The following MAGI2 variants were observed in gnomAD, a reference collection of about 807,000 sequenced individuals.
The protein encoded by MAGI2 is membrane associated guanylate kinase, WW and PDZ domain containing 2, also known as membrane-associated guanylate kinase, WW and PDZ domain-containing protein 2.
In MAGI2, 35 loss-of-function variants were observed where a neutral mutation model predicts 133.3. The ratio of observed to expected loss-of-function variants is 0.26; its 90% confidence interval spans 0.20 to 0.35. The LOEUF is 0.35. MAGI2 is among the 10% of genes least tolerant of loss of function. The pLI is 1.00. For synonymous variants in MAGI2, 729 were observed against 710.6 expected (o/e 1.03, Z -0.41); for missense variants, 1,636 against 1,863.4 (o/e 0.88, Z 2.25).
chr7:79,126,434 A>G, intron 1 of MAGI2, among the ~76,000 whole-genome samples: 1 of 152,140 alleles, frequency 6.6e-6, no homozygotes, highest in Non-Finnish European at 1.5e-5. Context: ...CAAGAGCTAA[A>G]GTTCTCTTAC....
chr7:78,483,515 T>A (rs191421943), intron 6 of MAGI2, among the ~76,000 whole-genome samples: 1 of 151,966 alleles, frequency 6.6e-6, no homozygotes, highest in African/African-American at 2.4e-5. Context: ...CATCAACCAA[T>A]CAATAACAGA....
At chr7:78,959,041 G>T (rs535987546) in intron 2 of MAGI2, among the ~76,000 whole-genome samples, 3 of 152,026 alleles carry the variant, frequency 2.0e-5, no homozygotes, top group Admixed American at 6.6e-5. Flanking sequence ...TCTGCAACTC[G>T]GCCACGGGCA....
chr7:78,067,060 A>G (rs1323911939), intron 21 of MAGI2, among the ~76,000 whole-genome samples: 1 of 152,208 alleles, frequency 6.6e-6, no homozygotes, highest in Non-Finnish European at 1.5e-5. Context: ...GAGCCCTAAC[A>G]CCTCGAGGTT....
intron 1 of MAGI2, among the ~76,000 whole-genome samples, chr7:79,440,239 T>C (rs1848410499): frequency 6.6e-6 from 1 of 151,974 alleles, no homozygotes; most frequent in Admixed American, 6.6e-5. Flanking sequence ...AGCCTTGGAA[T>C]TAGAACACTT....
intron 2 of MAGI2, among the ~76,000 whole-genome samples, chr7:78,694,803 T>G (rs1403993591): frequency 6.6e-6 from 1 of 152,214 alleles, no homozygotes; most frequent in African/African-American, 2.4e-5. Context: ...TTATTGCAAT[T>G]AAGTCAGGAC....
chr7:79,303,069 C>T (rs1405368332), intron 1 of MAGI2, among the ~76,000 whole-genome samples: 1 of 152,134 alleles, frequency 6.6e-6, no homozygotes, highest in African/African-American at 2.4e-5. Context: ...TTGATAGAGT[C>T]TCACAGATAA....
chr7:78,398,617 G>T (rs1796574305), intron 6 of MAGI2, among the ~76,000 whole-genome samples: 1 of 151,804 alleles, frequency 6.6e-6, no homozygotes, highest in African/African-American at 2.4e-5. Context: ...TATAACCCAG[G>T]AATGTCTTTT....
chr7:78,150,875 T>C (rs1433115698), intron 16 of MAGI2, among the ~76,000 whole-genome samples: 2 of 152,132 alleles, frequency 1.3e-5, no homozygotes, highest in Non-Finnish European at 2.9e-5. Context: ...TAGATTGTAT[T>C]GCTCCTCTTT....
At chr7:79,440,599 T>C (rs887119794) in intron 1 of MAGI2, among the ~76,000 whole-genome samples, 1 of 152,060 alleles carries the variant, frequency 6.6e-6, no homozygotes, top group Admixed American at 6.6e-5. Context: ...CTCCTTATAT[T>C]GGTAAAGAAA....
At chr7:78,706,147 T>TCC (rs34897938) in intron 2 of MAGI2, among the ~76,000 whole-genome samples, 1 of 151,250 alleles carries the variant, frequency 6.6e-6, no homozygotes, top group African/African-American at 2.4e-5. Context: ...TTTGGCTGTG[T>TCC]CCCCCCCCAA....
At chr7:79,299,195 G>T (rs1243084910) in intron 1 of MAGI2, among the ~76,000 whole-genome samples, 7 of 152,112 alleles carry the variant, frequency 4.6e-5, no homozygotes, top group Non-Finnish European at 1.0e-4. Context: ...GATGATGTTG[G>T]AAGACCTTAT....
At chr7:78,224,516 A>T (rs1423739454) in intron 10 of MAGI2, among the ~76,000 whole-genome samples, 2 of 151,980 alleles carry the variant, frequency 1.3e-5, no homozygotes, top group African/African-American at 2.4e-5. Context: ...AAACACAAAG[A>T]TTAGCCGGGC....
chr7:79,423,505 T>C (rs974772563), intron 1 of MAGI2, among the ~76,000 whole-genome samples: 2 of 152,058 alleles, frequency 1.3e-5, no homozygotes, highest in Non-Finnish European at 2.9e-5. Context: ...ATGTCCTAGA[T>C]TGGGGATATA....
intron 6 of MAGI2, among the ~76,000 whole-genome samples, chr7:78,479,827 A>G (rs1021154465): frequency 6.6e-6 from 1 of 152,026 alleles, no homozygotes; most frequent in African/African-American, 2.4e-5. Flanking sequence ...CAAGGATTTT[A>G]AATCAGCCAT....
At chr7:78,824,938 C>A (rs375399414) in intron 2 of MAGI2, among the ~76,000 whole-genome samples, 1 of 152,066 alleles carries the variant, frequency 6.6e-6, no homozygotes, top group African/African-American at 2.4e-5. Context: ...AAGGTGAAAG[C>A]CATCATTCTC....
intron 9 of MAGI2, among the ~76,000 whole-genome samples, chr7:78,305,368 A>C (rs530622973): frequency 2.0e-5 from 3 of 152,270 alleles, no homozygotes; most frequent in Admixed American, 6.5e-5. Flanking sequence ...CTCAACCAAA[A>C]GCTCCGTGAG....
At chr7:78,141,475 A>C (rs1822743957) in intron 16 of MAGI2, among the ~76,000 whole-genome samples, 1 of 152,152 alleles carries the variant, frequency 6.6e-6, no homozygotes, top group Admixed American at 6.5e-5. Context: ...TTTCTTTGTC[A>C]TCATGGGGTG....
chr7:78,712,781 A>C (rs1819324820), intron 2 of MAGI2, among the ~76,000 whole-genome samples: 1 of 152,208 alleles, frequency 6.6e-6, no homozygotes, highest in South Asian at 2.1e-4. Context: ...GATGTACAAA[A>C]GGCAAAAAGA....
chr7:78,985,772 A>T (rs1805200709), intron 2 of MAGI2, among the ~76,000 whole-genome samples: 1 of 152,052 alleles, frequency 6.6e-6, no homozygotes, highest in African/African-American at 2.4e-5. Flanking sequence ...TATCCTTGTG[A>T]CCCAAATAAA....
Sources: gnomAD v4.1 joint callset for allele counts (sites outside exome capture counted in the v4.1 genomes callset) on GRCh38, gnomAD v4.1.1 for gene constraint, MANE v1.5 for transcripts, NCBI Gene and HGNC (gene_info 2026-07-23, HGNC 2026-07-21) for gene names.